Variants in NAA11 observed in about 807,000 individuals in gnomAD.
The protein encoded by NAA11 is N-alpha-acetyltransferase 11.
In NAA11, 15 loss-of-function variants were observed where a neutral mutation model predicts 16.1. The observed-to-expected ratio is 0.93, with a 90% CI of 0.62 to 1.44. The LOEUF (loss-of-function observed/expected upper bound fraction) is 1.44. Ranked by LOEUF, NAA11 falls within the 40% of genes most tolerant of loss-of-function variation. The pLI, the probability that NAA11 is intolerant of heterozygous loss-of-function variation, is 0.00. For synonymous variants in NAA11, 122 were observed against 112.4 expected, an observed-to-expected ratio of 1.09 and a Z score of -0.54; for missense variants, 298 against 291.3, an observed-to-expected ratio of 1.02 and a Z score of -0.17.
chr4:79,210,915 G>A, the NAA11 span, among the ~76,000 whole-genome samples: 2 of 152,154 alleles, frequency 1.3e-5, no homozygotes, highest in Admixed American at 1.3e-4. Context: ...ATAGGGGCAG[G>A]TGAGGATTAA....
At chr4:79,234,223 CT>C (rs1166050628) in intron 2 of NAA11, among the ~76,000 whole-genome samples, 7 of 152,142 alleles carry the variant, frequency 4.6e-5, no homozygotes, top group African/African-American at 1.4e-4. Flanking sequence ...AAAATTGGGG[CT>C]TTTTATTACC....
downstream of NAA11, among the ~76,000 whole-genome samples, chr4:79,313,164 T>A (rs1187588252): frequency 3.3e-5 from 5 of 152,130 alleles, no homozygotes; most frequent in Non-Finnish European, 7.4e-5. Context: ...AAAAAAATGA[T>A]CACTGTTACT....
intron 1 of NAA11, among the ~76,000 whole-genome samples, chr4:79,298,842 G>T (rs1723305647): frequency 6.6e-6 from 1 of 152,224 alleles, no homozygotes; most frequent in Admixed American, 6.5e-5. Context: ...CCAGGAAATG[G>T]ACATCCCGAA....
chr4:79,318,703 G>A (rs77415365), intron 1 of NAA11, among the ~76,000 whole-genome samples: 69 of 152,244 alleles, frequency 4.5e-4, no homozygotes, highest in African/African-American at 1.6e-3. Flanking sequence ...TGGAGGAACA[G>A]GTCAGAAAGA....
In NAA11 at chr4:79,325,548, G is replaced by A. The variant is rs774663471; in HGVS notation, c.330C>T (p.His110=). 5.6e-6 allele frequency: 9 copies of A among 1,614,122 alleles called. No homozygotes were observed. Among genetic ancestry groups the A allele is most frequent in the Admixed American group, 5.0e-5 (3 of 60,026 alleles). ...ENFNAKYVSL[H]VRKSNRPALH... ...AGGCTGGCCGGTTACTCTTCCTGAC[G>A]TGCAGAGACACGTATTTGGCGTTAA... is the stretch of plus-strand genomic sequence containing the variant. The change falls in exon 1 of 2, where the codon CAC becomes CAT. Residue 110 remains histidine (H), a synonymous_variant. Transcript: ENST00000286794.
chr4:79,256,652 A>AATATATATATATATATATATATATATATT (rs1491290215), intron 2 of NAA11, among the ~76,000 whole-genome samples: 6 of 27,418 alleles, frequency 2.2e-4, no homozygotes, highest in African/African-American at 4.3e-4. Flanking sequence ...ATAAATATAA[A>AATATATATATATATATATATATATATATT]TATATATATA....
the NAA11 span, among the ~76,000 whole-genome samples, chr4:79,199,355 C>T: frequency 1.3e-5 from 2 of 151,794 alleles, no homozygotes; most frequent in Non-Finnish European, 2.9e-5. Context: ...TCAAAAATCT[C>T]GGAGGCAGAC....
At chr4:79,285,017 G>C (rs1327619622) in intron 2 of NAA11, among the ~76,000 whole-genome samples, 1 of 151,904 alleles carries the variant, frequency 6.6e-6, no homozygotes, top group African/African-American at 2.4e-5. Context: ...TCTTTAGTGG[G>C]GTGCATTTAA....
At chr4:79,292,337 T>C (rs1560454136) in intron 2 of NAA11, among the ~76,000 whole-genome samples, 1 of 152,218 alleles carries the variant, frequency 6.6e-6, no homozygotes, top group Non-Finnish European at 1.5e-5. Flanking sequence ...TATCTGGTGG[T>C]TCATGGGTTA....
downstream of NAA11, among the ~76,000 whole-genome samples, chr4:79,315,529 A>G (rs1723902024): frequency 6.6e-6 from 1 of 152,222 alleles, no homozygotes; most frequent in Non-Finnish European, 1.5e-5. Flanking sequence ...ATCTGCTAGC[A>G]GACCTGAGCA....
At chr4:79,283,800 A>T (rs985128127) in intron 2 of NAA11, among the ~76,000 whole-genome samples, 4 of 152,146 alleles carry the variant, frequency 2.6e-5, no homozygotes, top group Non-Finnish European at 5.9e-5. Context: ...AAAAGTTTTA[A>T]AAAATATCTG....
At chr4:79,225,536 G>A (rs4975172), downstream of NAA11, among the ~76,000 whole-genome samples, 108,099 of 151,932 alleles carry the variant, frequency 0.71, 40,624 homozygotes, top group East Asian at 0.89. Flanking sequence ...AGAGCATGGC[G>A]TAATCAGAGT....
the NAA11 span, among the ~76,000 whole-genome samples, chr4:79,157,945 G>C: frequency 7.0e-6 from 1 of 143,366 alleles, no homozygotes; most frequent in African/African-American, 2.7e-5. Context: ...TCTTCACCCA[G>C]GCTGGAGTAC....
chr4:79,259,648 C>A (rs935710938), intron 2 of NAA11, among the ~76,000 whole-genome samples: 1 of 152,202 alleles, frequency 6.6e-6, no homozygotes, highest in Non-Finnish European at 1.5e-5. Context: ...ACAGAGGTAT[C>A]CAGCCAGAAA....
chr4:79,268,814 T>G (rs2109978780), intron 2 of NAA11, among the ~76,000 whole-genome samples: 1 of 150,622 alleles, frequency 6.6e-6, no homozygotes, highest in South Asian at 2.2e-4. Context: ...ACTCGTTATC[T>G]AGCATTAGGT....
intron 2 of NAA11, among the ~76,000 whole-genome samples, chr4:79,264,764 T>G (rs1039032455): frequency 6.6e-6 from 1 of 152,158 alleles, no homozygotes; most frequent in African/African-American, 2.4e-5. Flanking sequence ...ATCCTTACCT[T>G]TCTCTAAATG....
At chr4:79,243,827 A>G (rs959960856) in intron 2 of NAA11, among the ~76,000 whole-genome samples, 1 of 152,258 alleles carries the variant, frequency 6.6e-6, no homozygotes, top group African/African-American at 2.4e-5. Context: ...ACAAGAGGGT[A>G]CATGAATATC....
intron 2 of NAA11, among the ~76,000 whole-genome samples, chr4:79,283,988 G>A (rs1400049164): frequency 6.6e-6 from 1 of 151,834 alleles, no homozygotes; most frequent in Admixed American, 6.6e-5. Context: ...TTGAATGAAT[G>A]AATGAATGAA....
chr4:79,218,491 T>A, the NAA11 span, among the ~76,000 whole-genome samples: 2 of 152,046 alleles, frequency 1.3e-5, no homozygotes, highest in Non-Finnish European at 2.9e-5. Context: ...TACATTTAGG[T>A]CTAATTTAAA....
Sources: allele counts gnomAD v4.1 joint callset (sites outside exome capture counted in the v4.1 genomes callset), GRCh38; gene constraint gnomAD v4.1.1; transcripts MANE v1.5; gene names NCBI Gene and HGNC (gene_info 2026-07-23, HGNC 2026-07-21).